DTNA: variants seen among roughly 807,000 people sequenced by gnomAD.
The protein encoded by DTNA is dystrophin-related protein 3.
DTNA carries 43 observed loss-of-function variants against 100.7 expected under a neutral mutation model. The observed-to-expected ratio is 0.43, with a 90% confidence interval of 0.33 to 0.55. The LOEUF is 0.55. DTNA is among the 20% of genes least tolerant of loss of function. DTNA has a pLI of 0.04. For synonymous variants in DTNA, 349 were observed against 347.9 expected (o/e 1.00, Z -0.04); for missense variants, 798 against 953.9 (o/e 0.84, Z 2.15).
intron 3 of DTNA, among the ~76,000 whole-genome samples, chr18:34,787,094 G>A (rs1283387883): frequency 1.3e-5 from 2 of 152,186 alleles, no homozygotes; most frequent in East Asian, 3.8e-4. Flanking sequence ...CAAGTGTGAT[G>A]TTGGACCACC....
intron 1 of DTNA, among the ~76,000 whole-genome samples, chr18:34,533,403 A>G (rs1471382456): frequency 2.6e-5 from 4 of 151,734 alleles, no homozygotes; most frequent in Non-Finnish European, 4.4e-5. Flanking sequence ...AGAGTGGGAC[A>G]TGAAGATGCT....
intron 3 of DTNA, among the ~76,000 whole-genome samples, chr18:34,772,174 A>G (rs2093808159): frequency 6.6e-6 from 1 of 152,204 alleles, no homozygotes; most frequent in Non-Finnish European, 1.5e-5. Context: ...TTTTCTTTCC[A>G]TTAGTCATAT....
At chr18:34,659,987 G>A (rs911460769) in intron 1 of DTNA, among the ~76,000 whole-genome samples, 1 of 152,194 alleles carries the variant, frequency 6.6e-6, no homozygotes, top group Non-Finnish European at 1.5e-5. Context: ...AAAGTATAAT[G>A]AAGTATTGAG....
At chr18:34,606,825 T>C (rs2053216550) in intron 1 of DTNA, among the ~76,000 whole-genome samples, 2 of 152,222 alleles carry the variant, frequency 1.3e-5, no homozygotes, top group East Asian at 1.9e-4. Context: ...TTTGGTGTTA[T>C]AATAGGGTGA....
intron 1 of DTNA, among the ~76,000 whole-genome samples, chr18:34,639,942 T>A (rs2059089008): frequency 6.6e-6 from 1 of 152,180 alleles, no homozygotes; most frequent in African/African-American, 2.4e-5. Flanking sequence ...TCCCTGAGAT[T>A]TACTGAGATG....
intron 13 of DTNA, among the ~76,000 whole-genome samples, chr18:34,840,944 G>A (rs1027923224): frequency 6.6e-6 from 1 of 151,616 alleles, no homozygotes; most frequent in Non-Finnish European, 1.5e-5. Flanking sequence ...TAACATCATT[G>A]TAGCTACAAT....
chr18:34,538,698 T>G (rs13380963), intron 1 of DTNA, among the ~76,000 whole-genome samples: 9,683 of 152,108 alleles, frequency 0.064, 388 homozygotes, highest in Non-Finnish European at 0.076. Context: ...ATATGGTAAA[T>G]ACCCCATACA....
At chr18:34,726,005 A>G (rs1464278647) in intron 1 of DTNA, among the ~76,000 whole-genome samples, 1 of 152,176 alleles carries the variant, frequency 6.6e-6, no homozygotes, top group Non-Finnish European at 1.5e-5. Context: ...AGAAGAGAAA[A>G]CCAAACACTG....
chr18:34,655,304 G>A (rs1410840189), intron 1 of DTNA, among the ~76,000 whole-genome samples: 1 of 152,016 alleles, frequency 6.6e-6, no homozygotes, highest in African/African-American at 2.4e-5. Flanking sequence ...TAGAGTAAGG[G>A]GAAGATTAGC....
upstream of DTNA, among the ~76,000 whole-genome samples, chr18:34,706,352 A>G (rs1289368015): frequency 1.3e-5 from 2 of 152,158 alleles, no homozygotes; most frequent in Non-Finnish European, 1.5e-5. Flanking sequence ...TGTTTTCTGT[A>G]TTTTTCAACT....
At chr18:34,710,912 T>A (rs2082777650) in intron 1 of DTNA, among the ~76,000 whole-genome samples, 1 of 152,140 alleles carries the variant, frequency 6.6e-6, no homozygotes, top group South Asian at 2.1e-4. Flanking sequence ...AGCAAAGTTA[T>A]CTAGTGTGTT....
chr18:34,751,481 C>T (rs2092316238), intron 1 of DTNA, among the ~76,000 whole-genome samples: 1 of 152,184 alleles, frequency 6.6e-6, no homozygotes, highest in Non-Finnish European at 1.5e-5. Flanking sequence ...ATCGTCTAAA[C>T]ATGACAAGGA....
At chr18:34,838,427 C>CT (rs1293845271) in intron 12 of DTNA, among the ~76,000 whole-genome samples, 1 of 152,150 alleles carries the variant, frequency 6.6e-6, no homozygotes, top group Non-Finnish European at 1.5e-5. Context: ...GATATTTAAT[C>CT]TTTGCTTGCA....
intron 1 of DTNA, among the ~76,000 whole-genome samples, chr18:34,705,016 G>A (rs1217265033): frequency 6.6e-6 from 1 of 152,106 alleles, no homozygotes; most frequent in African/African-American, 2.4e-5. Context: ...TGAGTTACCT[G>A]ACAGTCTTCC....
At chr18:34,587,222 A>G (rs2049237082) in intron 1 of DTNA, among the ~76,000 whole-genome samples, 1 of 151,492 alleles carries the variant, frequency 6.6e-6, no homozygotes, top group Non-Finnish European at 1.5e-5. Flanking sequence ...TATACTGGAG[A>G]TAACCCATAT....
At chr18:34,718,802 C>T (rs1237281451) in intron 1 of DTNA, among the ~76,000 whole-genome samples, 1 of 152,146 alleles carries the variant, frequency 6.6e-6, no homozygotes, top group Non-Finnish European at 1.5e-5. Flanking sequence ...GAAAGAATAG[C>T]AGCCATTTGG....
At chr18:34,791,058 C>T (rs73412639) in intron 3 of DTNA, among the ~76,000 whole-genome samples, 3,844 of 152,116 alleles carry the variant, frequency 0.025, 169 homozygotes, top group African/African-American at 0.087. Flanking sequence ...CTGAAGTACC[C>T]AAAGAACCCT....
intron 2 of DTNA, among the ~76,000 whole-genome samples, chr18:34,764,271 G>A (rs1389210061): frequency 6.6e-6 from 1 of 152,076 alleles, no homozygotes; most frequent in Non-Finnish European, 1.5e-5. Flanking sequence ...TTGTTATCTC[G>A]CTTTATCCAT....
intron 1 of DTNA, among the ~76,000 whole-genome samples, chr18:34,666,203 G>T (rs1374530266): frequency 6.6e-6 from 1 of 152,016 alleles, no homozygotes; most frequent in East Asian, 1.9e-4. Context: ...TGTGTCTGTT[G>T]GCTGCATAAA....
Sources: gnomAD v4.1 joint callset for allele counts (sites outside exome capture counted in the v4.1 genomes callset) on GRCh38, gnomAD v4.1.1 for gene constraint, MANE v1.5 for transcripts, NCBI Gene and HGNC (gene_info 2026-07-23, HGNC 2026-07-21) for gene names.